The following LIMCH1 variants were observed in gnomAD, a reference collection of about 807,000 sequenced individuals.
The protein encoded by LIMCH1 is LIM and calponin homology domains 1.
A neutral mutation model predicts 176.5 loss-of-function variants in LIMCH1; 113 were observed. That is an observed-to-expected ratio of 0.64 (90% CI 0.55 to 0.75). The LOEUF is 0.75. Among genes scored for constraint, LIMCH1 ranks in the 30% least tolerant of loss-of-function variants. LIMCH1 has a pLI of 0.00. For synonymous variants in LIMCH1, 619 were observed against 645.9 expected, an observed-to-expected ratio of 0.96 and a Z score of 0.63; for missense variants, 1,674 against 1,814.9, an observed-to-expected ratio of 0.92 and a Z score of 1.41.
intron 1 of LIMCH1, among the ~76,000 whole-genome samples, chr4:41,365,474 T>G (rs952565721): frequency 6.6e-6 from 1 of 152,242 alleles, no homozygotes; most frequent in African/African-American, 2.4e-5. Flanking sequence ...TAATGGCCAG[T>G]AACATATGAC....
chr4:41,368,614 G>A (rs771644813), intron 1 of LIMCH1, among the ~76,000 whole-genome samples: 12 of 152,148 alleles, frequency 7.9e-5, no homozygotes, highest in South Asian at 2.1e-4. Flanking sequence ...AAGGGCTTGC[G>A]TTGGATGCTA....
chr4:41,606,942 G>GCC (rs2090806507), intron 4 of LIMCH1, among the ~76,000 whole-genome samples: 1 of 152,126 alleles, frequency 6.6e-6, no homozygotes, highest in African/African-American at 2.4e-5. Context: ...GGGATTATAG[G>GCC]CAGCCACCAC....
At chr4:41,666,752 C>A (rs1319035493) in intron 21 of LIMCH1, 86 bp downstream of exon 21, 1 of 875,448 alleles carries the variant, frequency 1.1e-6, no homozygotes, top group Non-Finnish European at 1.9e-6. Flanking sequence ...AAGATTACGT[C>A]CTTTATGTTG....
chr4:41,553,034 C>T (rs140016524), intron 1 of LIMCH1, among the ~76,000 whole-genome samples: 7 of 152,314 alleles, frequency 4.6e-5, no homozygotes, highest in African/African-American at 7.2e-5. Flanking sequence ...ATGGGGTTAA[C>T]GTGACCCTAG....
intron 3 of LIMCH1, chr4:41,604,260 C>A (rs2090375121): frequency 1.0e-6 from 1 of 972,228 alleles, no homozygotes; most frequent in African/African-American, 1.8e-5. Context: ...AGGAGTTTGG[C>A]AAATTGTTGT....
Position 41,628,769 on chromosome 4 carries a change from ACAATGGAAAATAT to A in LIMCH1, c.1029-720_1029-708del, listed in dbSNP as rs1215800196. Among the ~76,000 whole-genome samples the A allele has an allele frequency of 2.0e-5, 3 of 152,228 alleles. No individual in the cohort carries two copies. The East Asian group carries it at 5.8e-4, about 29-fold the overall frequency. ...CAGCTAAGGTTCACTTCATAGGAGA[ACAATGGAAAATAT>A]CAGTTTTAGCATCAATAAAGGTGAA... On this transcript the variant is annotated intron_variant, in intron 8 of 31. Transcript: ENST00000503057.
intron 16 of LIMCH1, 52 bp downstream of exon 16, chr4:41,646,332 T>C: frequency 1.9e-6 from 3 of 1,548,264 alleles, no homozygotes; most frequent in Non-Finnish European, 2.6e-6. Flanking sequence ...TAGGTGTTTT[T>C]TTTTTCTAAA....
intron 1 of LIMCH1, among the ~76,000 whole-genome samples, chr4:41,484,965 G>C (rs946636291): frequency 6.6e-6 from 1 of 152,158 alleles, no homozygotes; most frequent in African/African-American, 2.4e-5. Context: ...ATCAGGCTGC[G>C]AGACTGATTC....
chr4:41,388,564 A>T (rs1044898365), intron 1 of LIMCH1, among the ~76,000 whole-genome samples: 1 of 152,238 alleles, frequency 6.6e-6, no homozygotes, highest in Admixed American at 6.5e-5. Flanking sequence ...TGGTTGCACA[A>T]TTCTATAAAT....
intron 1 of LIMCH1, among the ~76,000 whole-genome samples, chr4:41,560,387 A>G (rs1434634719): frequency 6.6e-6 from 1 of 152,192 alleles, no homozygotes; most frequent in Non-Finnish European, 1.5e-5. Context: ...TTTCAGGGCC[A>G]CACAAGTCTG....
chr4:41,454,256 A>C (rs908363427), intron 1 of LIMCH1, among the ~76,000 whole-genome samples: 3 of 152,212 alleles, frequency 2.0e-5, no homozygotes, highest in East Asian at 1.9e-4. Context: ...AATCTGGTAA[A>C]TAAGGGAATG....
chr4:41,367,478 C>T (rs1474868383), intron 1 of LIMCH1, among the ~76,000 whole-genome samples: 1 of 151,990 alleles, frequency 6.6e-6, no homozygotes, highest in African/African-American at 2.4e-5. Flanking sequence ...AAGTTAGGGA[C>T]TGCCCCACCC....
chr4:41,667,476 T>C (rs1377699036), intron 21 of LIMCH1, among the ~76,000 whole-genome samples: 1 of 152,078 alleles, frequency 6.6e-6, no homozygotes, highest in Non-Finnish European at 1.5e-5. Flanking sequence ...ACATACATAC[T>C]GAGGATATAT....
intron 1 of LIMCH1, among the ~76,000 whole-genome samples, chr4:41,468,009 T>C (rs1407945763): frequency 6.6e-6 from 1 of 152,170 alleles, no homozygotes; most frequent in South Asian, 2.1e-4. Context: ...TTTCATTTGC[T>C]TTTCATATGG....
chr4:41,550,036 A>G (rs891536010), intron 1 of LIMCH1, among the ~76,000 whole-genome samples: 1 of 151,742 alleles, frequency 6.6e-6, no homozygotes, highest in African/African-American at 2.4e-5. Flanking sequence ...GGCGAAAACC[A>G]CAATTACTTT....
chr4:41,682,740 G>T (rs1451137049), intron 26 of LIMCH1, among the ~76,000 whole-genome samples: 4 of 146,316 alleles, frequency 2.7e-5, no homozygotes, highest in Admixed American at 7.0e-5. Flanking sequence ...GCCATGGTAC[G>T]ATCTTGGCTC....
intron 13 of LIMCH1, among the ~76,000 whole-genome samples, chr4:41,634,833 G>T (rs935594771): frequency 2.0e-5 from 3 of 152,230 alleles, no homozygotes; most frequent in Non-Finnish European, 4.4e-5. Flanking sequence ...GATCACACAT[G>T]ATTCCCGAGC....
At chr4:41,423,111 G>C (rs1341545154) in intron 1 of LIMCH1, among the ~76,000 whole-genome samples, 1 of 152,158 alleles carries the variant, frequency 6.6e-6, no homozygotes, top group Non-Finnish European at 1.5e-5. Context: ...TGAAATCAAT[G>C]AATGCCCTTC....
intron 1 of LIMCH1, among the ~76,000 whole-genome samples, chr4:41,450,693 G>A (rs530716851): frequency 2.6e-3 from 398 of 151,282 alleles, no homozygotes; most frequent in Non-Finnish European, 4.3e-3. Flanking sequence ...TACTCAGGAG[G>A]CTGAGGCAGG....
Sources: allele counts gnomAD v4.1 joint callset (sites outside exome capture counted in the v4.1 genomes callset), GRCh38; gene constraint gnomAD v4.1.1; transcripts MANE v1.5; gene names NCBI Gene and HGNC (gene_info 2026-07-23, HGNC 2026-07-21).